Variants in LPP observed in about 807,000 individuals in gnomAD.
LPP encodes the protein lipoma-preferred partner.
In LPP, 38 loss-of-function variants were observed where a neutral mutation model predicts 60.4. That is an observed-to-expected ratio of 0.63 (90% CI 0.49 to 0.83). The LOEUF (loss-of-function observed/expected upper bound fraction) is 0.83. Ranked by LOEUF, LPP falls within the 40% of genes least tolerant of loss-of-function variation. The pLI, the probability that LPP is intolerant of heterozygous loss-of-function variation, is 0.00. For synonymous variants in LPP, 328 were observed against 290.8 expected (o/e 1.13, Z -1.30); for missense variants, 902 against 783.6 (o/e 1.15, Z -1.80).
intron 7 of LPP, among the ~76,000 whole-genome samples, chr3:188,669,350 G>A (rs746946387): frequency 5.3e-5 from 8 of 152,106 alleles, no homozygotes; most frequent in Non-Finnish European, 7.4e-5. Context: ...GTCGAGGCGG[G>A]CGGATCACGA....
chr3:188,196,369 C>T (rs1203691626), intron 1 of LPP, among the ~76,000 whole-genome samples: 5 of 152,178 alleles, frequency 3.3e-5, no homozygotes, highest in African/African-American at 1.2e-4. Context: ...GTGACATCGC[C>T]CAATCCTGGA....
intron 1 of LPP, among the ~76,000 whole-genome samples, chr3:188,199,292 T>C (rs1246328912): frequency 6.6e-6 from 1 of 152,038 alleles, no homozygotes; most frequent in Non-Finnish European, 1.5e-5. Flanking sequence ...ACTTTATTGG[T>C]CGGAGTAGTC....
chr3:188,835,502 C>G (rs1448392885), intron 9 of LPP, among the ~76,000 whole-genome samples: 1 of 151,734 alleles, frequency 6.6e-6, no homozygotes. Context: ...GCCTGTAATC[C>G]TAGCTACTCG....
rs549894503 is a variant in LPP, at chr3:188,318,790, G to T, written c.-66-22873G>T. The stretch of plus-strand genomic sequence containing the variant: ...TTTTTTTTTTTTGAGACGGAGTCTC[G>T]CTCTGTCGCCCAGGCTGGAGTGCAG... On this transcript the variant is annotated intron_variant, in intron 2 of 11. Transcript: ENST00000617246. Among the ~76,000 whole-genome samples the T allele has an allele frequency of 5.2e-4, 57 of 110,266 alleles. 2 individuals carry two copies. The South Asian group carries it at 0.015, about 29-fold the overall frequency. 72.3% of individuals were successfully genotyped at this position (110,266 alleles called of 152,430 possible).
At chr3:188,701,714 C>T (rs1246762494) in intron 7 of LPP, among the ~76,000 whole-genome samples, 1 of 151,550 alleles carries the variant, frequency 6.6e-6, no homozygotes, top group Non-Finnish European at 1.5e-5. Context: ...AGCATATTAG[C>T]CACTAAATTG....
At chr3:188,753,109 C>T (rs1211727304) in intron 8 of LPP, among the ~76,000 whole-genome samples, 1 of 152,162 alleles carries the variant, frequency 6.6e-6, no homozygotes, top group Non-Finnish European at 1.5e-5. Flanking sequence ...CTTTACAAGT[C>T]AGACCTGGTT....
chr3:188,447,381 G>A (rs1795470730), intron 4 of LPP, among the ~76,000 whole-genome samples: 1 of 152,156 alleles, frequency 6.6e-6, no homozygotes, highest in South Asian at 2.1e-4. Flanking sequence ...GGAGGCCGAG[G>A]TGGGAGGATC....
intron 1 of LPP, among the ~76,000 whole-genome samples, chr3:188,161,559 T>TC (rs1280994797): frequency 6.6e-6 from 1 of 152,162 alleles, no homozygotes; most frequent in African/African-American, 2.4e-5. Context: ...AGCTGATCCC[T>TC]TGTTATACAG....
chr3:188,486,548 G>A (rs952534506), intron 5 of LPP, among the ~76,000 whole-genome samples: 1 of 151,982 alleles, frequency 6.6e-6, no homozygotes, highest in Admixed American at 6.6e-5. Flanking sequence ...AAGGAGAGGA[G>A]GGAATGAGCT....
At chr3:188,451,564 G>A (rs1285653634) in intron 4 of LPP, among the ~76,000 whole-genome samples, 1 of 152,120 alleles carries the variant, frequency 6.6e-6, no homozygotes, top group Non-Finnish European at 1.5e-5. Context: ...TGGTTTCTCT[G>A]GAACCTTTAG....
rs114185389 is a variant in LPP, at chr3:188,523,158, T to C, written c.307-1507T>C. ...CTGGCCTCAGATAATCCACCCGCCT[T>C]GGCCTCGAAACCTGCTGAGATTACA... On this transcript the variant is annotated intron_variant, in intron 5 of 11. Transcript: ENST00000617246. 8.7e-3 allele frequency among the ~76,000 whole-genome samples: 1,319 copies of C among 152,142 alleles called. 27 individuals are homozygous for C. Among genetic ancestry groups the C allele is most frequent in the African/African-American group, 0.03 (1,265 of 41,522 alleles).
At chr3:188,654,183 A>C (rs1852658754) in intron 7 of LPP, among the ~76,000 whole-genome samples, 1 of 152,244 alleles carries the variant, frequency 6.6e-6, no homozygotes, top group African/African-American at 2.4e-5. Flanking sequence ...ATTGATTTGC[A>C]CAAATACACA....
At chr3:188,191,393 A>G (rs1286462481) in intron 1 of LPP, among the ~76,000 whole-genome samples, 1 of 152,228 alleles carries the variant, frequency 6.6e-6, no homozygotes, top group Non-Finnish European at 1.5e-5. Flanking sequence ...CCTTATTCTT[A>G]GAATGAAGAC....
chr3:188,308,882 G>C (rs200376735), intron 2 of LPP, among the ~76,000 whole-genome samples: 16 of 89,206 alleles, frequency 1.8e-4, no homozygotes, highest in African/African-American at 3.9e-4. Flanking sequence ...TCTCGTTCTC[G>C]TTCTCCTTCT....
intron 2 of LPP, among the ~76,000 whole-genome samples, chr3:188,325,380 A>T (rs1758135871): frequency 6.6e-6 from 1 of 152,020 alleles, no homozygotes; most frequent in African/African-American, 2.4e-5. Context: ...TTCCCACTTG[A>T]TCTTTCTCTG....
intron 6 of LPP, among the ~76,000 whole-genome samples, chr3:188,539,295 A>T (rs1267757563): frequency 1.3e-5 from 2 of 152,206 alleles, no homozygotes; most frequent in Non-Finnish European, 2.9e-5. Context: ...GCAATCTAAC[A>T]GTTATAGTAC....
At chr3:188,415,128 T>A (rs1785858160) in intron 4 of LPP, among the ~76,000 whole-genome samples, 1 of 152,192 alleles carries the variant, frequency 6.6e-6, no homozygotes, top group African/African-American at 2.4e-5. Flanking sequence ...ATATTAATCA[T>A]CTTTATTTTT....
At chr3:188,835,619 CA>C (rs1405582014) in intron 9 of LPP, among the ~76,000 whole-genome samples, 2 of 150,044 alleles carry the variant, frequency 1.3e-5, no homozygotes, top group African/African-American at 2.4e-5. Flanking sequence ...GCTCCATCTC[CA>C]AAAAAAATAA....
chr3:188,618,953 A>G (rs57988913), intron 7 of LPP, among the ~76,000 whole-genome samples: 6,652 of 152,288 alleles, frequency 0.044, 277 homozygotes, highest in African/African-American at 0.11. Flanking sequence ...CAATTTTAAC[A>G]TAAGTCTGAA....
Sources: gnomAD v4.1 joint callset for allele counts (sites outside exome capture counted in the v4.1 genomes callset) on GRCh38, gnomAD v4.1.1 for gene constraint, MANE v1.5 for transcripts, NCBI Gene and HGNC (gene_info 2026-07-23, HGNC 2026-07-21) for gene names.